The following XKR4 variants were observed in gnomAD, a reference collection of about 807,000 sequenced individuals.
XKR4 encodes the protein XK related 4.
In XKR4, 12 loss-of-function variants were observed where a neutral mutation model predicts 53.9. The observed-to-expected ratio is 0.22, with a 90% CI of 0.14 to 0.36. The LOEUF (loss-of-function observed/expected upper bound fraction) is 0.36, where lower values mean the gene tolerates loss of function less well. Ranked by LOEUF, XKR4 falls within the 10% of genes least tolerant of loss-of-function variation. The pLI, the probability that XKR4 is intolerant of heterozygous loss-of-function variation, is 1.00. For synonymous variants in XKR4, 354 were observed against 362.4 expected, an observed-to-expected ratio of 0.98 and a Z score of 0.26; for missense variants, 799 against 859.5, an observed-to-expected ratio of 0.93 and a Z score of 0.88.
chr8:55,255,701 A>G (rs1434025493), intron 1 of XKR4, among the ~76,000 whole-genome samples: 1 of 152,190 alleles, frequency 6.6e-6, no homozygotes, highest in African/African-American at 2.4e-5. Flanking sequence ...CCCCTCGAGA[A>G]AAACTACACA....
intron 1 of XKR4, among the ~76,000 whole-genome samples, chr8:55,103,875 A>G (rs1038915833): frequency 3.2e-4 from 46 of 142,992 alleles, no homozygotes; most frequent in South Asian, 2.5e-3. Context: ...ATATATATAT[A>G]TATATATATA....
At position 55,243,871 on chromosome 8, in the gene XKR4, G is replaced by A. The variant is rs576083086; in HGVS notation, c.807-113807G>A. ...ATCTCCCTGCATGGTAGCGATGAAG[G>A]ATAACCTAGACAGTGCGTGCAAGTG... is the stretch of plus-strand genomic sequence containing the variant. On this transcript the variant is annotated intron_variant, in intron 1 of 2. Coordinates refer to ENST00000327381, the MANE Select transcript of XKR4 (RefSeq NM_052898.2). Among the ~76,000 whole-genome samples the A allele has an allele frequency of 2.6e-5, 4 of 152,324 alleles. No homozygotes were observed. The East Asian group carries it at 5.8e-4, about 22-fold the overall frequency.
chr8:55,106,419 T>C (rs971719824), intron 1 of XKR4, among the ~76,000 whole-genome samples: 1 of 152,130 alleles, frequency 6.6e-6, no homozygotes, highest in African/African-American at 2.4e-5. Context: ...GAAAGAGCTA[T>C]TTGAAATAAT....
At chr8:55,184,506 A>G (rs947866463) in intron 1 of XKR4, among the ~76,000 whole-genome samples, 2 of 152,180 alleles carry the variant, frequency 1.3e-5, no homozygotes, top group African/African-American at 2.4e-5. Flanking sequence ...TTTTACTTAC[A>G]TCTTTCTGGA....
chr8:55,477,922 T>C (rs541474264), intron 2 of XKR4, among the ~76,000 whole-genome samples: 35 of 152,224 alleles, frequency 2.3e-4, no homozygotes, highest in Non-Finnish European at 4.0e-4. Flanking sequence ...ACCAAATCTA[T>C]GTCTGACTGG....
chr8:55,357,067 T>A (rs904985889), intron 1 of XKR4, among the ~76,000 whole-genome samples: 1 of 152,220 alleles, frequency 6.6e-6, no homozygotes, highest in Non-Finnish European at 1.5e-5. Flanking sequence ...AACTATAGGC[T>A]ATTAGTGAAG....
chr8:55,140,070 T>C, intron 1 of XKR4: 1 of 332,444 alleles, frequency 3.0e-6, no homozygotes, highest in Non-Finnish European at 5.9e-6. Context: ...ATTTTATTTA[T>C]TAAATTAGAA....
intron 2 of XKR4, among the ~76,000 whole-genome samples, chr8:55,459,898 G>T (rs1009007579): frequency 1.3e-5 from 2 of 151,736 alleles, no homozygotes; most frequent in Non-Finnish European, 2.9e-5. Flanking sequence ...TAATATTAAT[G>T]TATGACCCAC....
At position 55,489,902 on chromosome 8, in the gene XKR4, T is replaced by A. The variant is rs575589989; in HGVS notation, c.1007-33379T>A. ...TTTATGCCACTTGATGTATAAAAAC[T>A]TTATAATAGTATACTTCTGCTTTCC... On this transcript the variant is annotated intron_variant, in intron 2 of 2. Coordinates refer to ENST00000327381, the MANE Select transcript of XKR4 (RefSeq NM_052898.2). Among the ~76,000 whole-genome samples, 25 of 152,298 alleles carry A rather than the reference T, an allele frequency of 1.6e-4. 1 individual carries two copies. The highest frequency in any genetic ancestry group is 5.5e-4 in the African/African-American group (23 of 41,572).
chr8:55,421,743 A>G (rs992653084), intron 2 of XKR4, among the ~76,000 whole-genome samples: 1 of 152,248 alleles, frequency 6.6e-6, no homozygotes, highest in African/African-American at 2.4e-5. Context: ...TACAATAACC[A>G]AGTTCAGTCT....
chr8:55,442,752 T>C (rs1805289125), intron 2 of XKR4, among the ~76,000 whole-genome samples: 1 of 152,218 alleles, frequency 6.6e-6, no homozygotes. Context: ...ATTCCATTTA[T>C]ATGAATTGTC....
chr8:55,303,834 G>T (rs1187957534), intron 1 of XKR4, among the ~76,000 whole-genome samples: 2 of 152,014 alleles, frequency 1.3e-5, no homozygotes, highest in Non-Finnish European at 2.9e-5. Flanking sequence ...CTGTGGGATC[G>T]GTGGTGATAT....
At chr8:55,306,104 G>A (rs1819295104) in intron 1 of XKR4, among the ~76,000 whole-genome samples, 1 of 152,140 alleles carries the variant, frequency 6.6e-6, no homozygotes, top group Non-Finnish European at 1.5e-5. Context: ...TTAAAGTGGG[G>A]TGTATTTACC....
At chr8:55,450,228 G>GCCT (rs1193553181) in intron 2 of XKR4, 7 of 635,348 alleles carry the variant, frequency 1.1e-5, no homozygotes, top group African/African-American at 1.8e-5. Context: ...TCTGGGGAGC[G>GCCT]CCTCCGTCAA....
At position 55,255,490 on chromosome 8, in the gene XKR4, T is replaced by G. The variant is rs758952152; in HGVS notation, c.807-102188T>G. ...TATAATAAATAATTTATTGTGAATT[T>G]CATGAAGGCGAAGACTGGGTCTTTT... On this transcript the variant is annotated intron_variant, in intron 1 of 2. Coordinates refer to ENST00000327381, the MANE Select transcript of XKR4 (RefSeq NM_052898.2). Among the ~76,000 whole-genome samples the G allele has an allele frequency of 2.1e-4, 32 of 152,202 alleles. 1 individual carries two copies. Among genetic ancestry groups the G allele is most frequent in the Non-Finnish European group, 8.8e-5 (6 of 68,034 alleles).
chr8:55,385,034 A>G (rs1804289279), intron 2 of XKR4, among the ~76,000 whole-genome samples: 1 of 152,176 alleles, frequency 6.6e-6, no homozygotes, highest in African/African-American at 2.4e-5. Context: ...AAGTAGGTAT[A>G]ATTTTTGGAA....
chr8:55,155,744 G>C (rs1297206471), intron 1 of XKR4, among the ~76,000 whole-genome samples: 3 of 152,064 alleles, frequency 2.0e-5, no homozygotes, highest in African/African-American at 7.2e-5. Flanking sequence ...AAAAATATTA[G>C]AATATCGGGG....
chr8:55,233,350 T>G (rs1267383638), intron 1 of XKR4, among the ~76,000 whole-genome samples: 1 of 152,172 alleles, frequency 6.6e-6, no homozygotes, highest in Non-Finnish European at 1.5e-5. Context: ...ACATAGTCTC[T>G]TATGTCATTC....
chr8:55,439,773 A>G (rs1183719266), intron 2 of XKR4, among the ~76,000 whole-genome samples: 1 of 152,236 alleles, frequency 6.6e-6, no homozygotes, highest in Non-Finnish European at 1.5e-5. Context: ...GAAAAATAAA[A>G]TAAAGGAAAT....
Sources: allele counts gnomAD v4.1 joint callset (sites outside exome capture counted in the v4.1 genomes callset), GRCh38; gene constraint gnomAD v4.1.1; transcripts MANE v1.5; gene names NCBI Gene and HGNC (gene_info 2026-07-23, HGNC 2026-07-21).